ZNF213: variants seen among roughly 807,000 people sequenced by gnomAD.
The protein encoded by ZNF213 is putative transcription factor CR53.
In ZNF213, 32 loss-of-function variants were observed where a neutral mutation model predicts 46.0. That is an observed-to-expected ratio of 0.70 (90% CI 0.52 to 0.93). The LOEUF (loss-of-function observed/expected upper bound fraction) is 0.93. Ranked by LOEUF, ZNF213 falls within the 40% of genes least tolerant of loss-of-function variation. The pLI is 0.00. For synonymous variants in ZNF213, 297 were observed against 271.0 expected (o/e 1.10, Z -0.94); for missense variants, 639 against 652.8 (o/e 0.98, Z 0.23).
At chr16:3,139,197 G>A in intron 5 of ZNF213, 99 bp downstream of exon 5, 1 of 1,529,738 alleles carries the variant, frequency 6.5e-7, no homozygotes. Flanking sequence ...TCCAAAGCAG[G>A]CTCTCCCTAG....
chr16:3,138,699 G>A (rs1449976999), intron 3 of ZNF213, 46 bp from the exon 4 acceptor site: 1 of 1,613,088 alleles, frequency 6.2e-7, no homozygotes, highest in East Asian at 2.2e-5. Context: ...AGGCGTCGGT[G>A]TCAAGCCTGG....
At chr16:3,136,868 T>G (rs1431154748) in intron 1 of ZNF213, among the ~76,000 whole-genome samples, 2 of 152,208 alleles carry the variant, frequency 1.3e-5, no homozygotes, top group Admixed American at 6.5e-5. Flanking sequence ...TTTAGTGGAA[T>G]AAATTGAGAT....
intron 2 of ZNF213, chr16:3,138,212 C>T (rs963815216): frequency 5.0e-5 from 51 of 1,016,730 alleles, no homozygotes; most frequent in Middle Eastern, 3.3e-4. Flanking sequence ...TGGTTCTTGC[C>T]TCGTGAATGA....
chr16:3,136,135 T>G (rs758671803), intron 1 of ZNF213, among the ~76,000 whole-genome samples: 2 of 152,210 alleles, frequency 1.3e-5, no homozygotes, highest in Non-Finnish European at 2.9e-5. Flanking sequence ...CCGGCCAGTT[T>G]GTATTTTTAT....
intron 5 of ZNF213, chr16:3,140,027 C>CGCTGGG: frequency 6.6e-6 from 1 of 152,178 alleles, no homozygotes; most frequent in Non-Finnish European, 1.5e-5. Flanking sequence ...AGGCGTGAGC[C>CGCTGGG]ACCGCGCCCG....
At chr16:3,139,312 G>C (rs2141537640) in intron 5 of ZNF213, 2 of 618,328 alleles carry the variant, frequency 3.2e-6, no homozygotes, top group Non-Finnish European at 5.4e-6. Flanking sequence ...CCCTGCAGTT[G>C]CTCTAAGGGC....
At position 3,135,335 on chromosome 16, in the gene ZNF213, G is replaced by C. The variant is rs1415726906; in HGVS notation, c.-168G>C. The C allele has an allele frequency of 6.6e-6, 1 of 152,360 alleles. No homozygotes were observed. The highest frequency in any genetic ancestry group is 1.5e-5 in the Non-Finnish European group (1 of 68,170). 9.4% of individuals were successfully genotyped at this position (152,360 alleles called of 1,614,324 possible). A position where few individuals can be genotyped will look rare whatever the true frequency, so the allele number is the denominator to read the frequency against. The stretch of plus-strand genomic sequence containing the variant: ...CGGGCGAGGCTGCGGTGGACAGCGC[G>C]GGGCTCCGGCTGGCTCGCCTTCCCG... On this transcript the variant is annotated 5_prime_UTR_variant, in exon 1 of 6. Coordinates refer to ENST00000396878, the MANE Select transcript of ZNF213 (RefSeq NM_004220.3).
At position 3,137,625 on chromosome 16, in the gene ZNF213, G is replaced by C. The variant is rs149593870; in HGVS notation, c.345G>C (p.Glu115Asp). 1.9e-4 allele frequency: 301 copies of C among 1,613,844 alleles called. No homozygotes were observed. Among genetic ancestry groups the C allele is most frequent in the Non-Finnish European group, 2.4e-4 (283 of 1,180,044 alleles). ...VREQHPGSGE[E>D]AVALVEDLQK... The stretch of plus-strand genomic sequence containing the variant: ...AGCAGCACCCGGGAAGCGGTGAGGA[G>C]GCTGTCGCCTTGGTGGAGGACCTAC... The change falls in exon 2 of 6, where the codon GAG becomes GAC. Residue 115 changes from glutamate to aspartate, a missense_variant. Transcript: ENST00000396878.
At position 3,136,425 on chromosome 16, in the gene ZNF213, T is replaced by A. The variant is rs1258909173; in HGVS notation, c.-115-741T>A. On this transcript the variant is annotated intron_variant, in intron 1 of 5. Coordinates refer to ENST00000396878, the MANE Select transcript of ZNF213 (RefSeq NM_004220.3). ...AAATAATGAAACATATCAGTTAAAATTTTTTAATTAGGCCGGGCGCAGTGG... is the reference window on the plus strand; with the variant it reads ...AAATAATGAAACATATCAGTTAAAAATTTTTAATTAGGCCGGGCGCAGTGG... 2.0e-5 allele frequency among the ~76,000 whole-genome samples: 3 copies of A among 152,294 alleles called. 1 individual carries two copies. In the South Asian group the frequency reaches 6.2e-4, roughly 32 times the overall value.
At chr16:3,139,929 G>C (rs554111046) in intron 5 of ZNF213, 3 of 151,800 alleles carry the variant, frequency 2.0e-5, no homozygotes, top group South Asian at 4.2e-4. Flanking sequence ...TTTTAATAGA[G>C]ACGAGTTTTC....
chr16:3,138,922 TC>T, intron 4 of ZNF213, 52 bp from the exon 5 acceptor site: 1 of 1,613,480 alleles, frequency 6.2e-7, no homozygotes, highest in Non-Finnish European at 8.5e-7. Flanking sequence ...ACCCATCCTG[TC>T]CCCGCCAGTG....
rs1003611496 is a variant in ZNF213, at chr16:3,137,656, C to T, written c.376C>T (p.Gln126Ter). The T allele has an allele frequency of 6.2e-7, 1 of 1,613,656 alleles. No individual in the cohort carries two copies. The highest frequency in any genetic ancestry group is 8.5e-7 in the Non-Finnish European group (1 of 1,180,008). ...AVALVEDLQK[Q>*]PVKAWRQDVP... ...CGCCTTGGTGGAGGACCTACAGAAG[C>T]AGCCAGTGAAAGCCTGGCGACAGGT... Residue 126 changes from glutamine to a stop codon, truncating the protein, a stop_gained, in exon 2 of 6, where the codon CAG (glutamine) becomes TAG (stop). Transcript: ENST00000396878. LOFTEE classifies it high-confidence loss of function.
chr16:3,138,715 C>T (rs763658320), intron 3 of ZNF213, 30 bp from the exon 4 acceptor site: 1 of 1,613,782 alleles, frequency 6.2e-7, no homozygotes, highest in Non-Finnish European at 8.5e-7. Context: ...CCTGGGCTGG[C>T]CTTTCTAAGG....
intron 5 of ZNF213, 36 bp from the exon 6 acceptor site, chr16:3,140,653 C>T (rs761728908): frequency 1.4e-5 from 21 of 1,481,916 alleles, no homozygotes; most frequent in South Asian, 5.7e-5. Context: ...CCCAGAACCG[C>T]GTGGGACTGA....
intron 1 of ZNF213, among the ~76,000 whole-genome samples, chr16:3,136,898 G>C (rs1957544233): frequency 6.6e-6 from 1 of 152,114 alleles, no homozygotes; most frequent in African/African-American, 2.4e-5. Flanking sequence ...GCTTATATCA[G>C]GTCAGGTGGT....
intron 2 of ZNF213, 56 bp downstream of exon 2, chr16:3,137,735 G>C (rs375905526): frequency 6.4e-7 from 1 of 1,574,112 alleles, no homozygotes; most frequent in African/African-American, 1.4e-5. Context: ...CTCGAGAGAA[G>C]TGGGTAACCT....
intron 5 of ZNF213, chr16:3,140,458 G>C (rs1229596351): frequency 4.0e-6 from 2 of 504,386 alleles, no homozygotes; most frequent in Non-Finnish European, 6.2e-6. Flanking sequence ...CCTAACCTCA[G>C]GTGATCAGCT....
rs1195065029 is a variant in ZNF213 at position 3,138,748 on chromosome 16, A to G, written c.527A>G (p.Gln176Arg). The G allele has an allele frequency of 6.2e-7, 1 of 1,614,166 alleles. No individual in the cohort carries two copies. The highest frequency in any genetic ancestry group is 8.5e-7 in the Non-Finnish European group (1 of 1,180,012). Residue 176 changes from glutamine to arginine, a missense_variant, in exon 4 of 6, where the codon CAG becomes CGG. Transcript: ENST00000396878. ...VPQEQHSHSA[Q>R]PPALLKEGRP... The stretch of plus-strand genomic sequence containing the variant: ...AGGCTCCATTCTTCTCCTTCAGCCC[A>G]GCCTCCTGCTCTTCTTAAAGAGGGT...
At chr16:3,136,393 C>A (rs1434454811) in intron 1 of ZNF213, among the ~76,000 whole-genome samples, 1 of 151,984 alleles carries the variant, frequency 6.6e-6, no homozygotes, top group African/African-American at 2.4e-5. Flanking sequence ...GGATCTGGGG[C>A]AACACTAAAT....
Sources: gnomAD v4.1 joint callset for allele counts (sites outside exome capture counted in the v4.1 genomes callset) on GRCh38, gnomAD v4.1.1 for gene constraint, MANE v1.5 for transcripts, NCBI Gene and HGNC (gene_info 2026-07-23, HGNC 2026-07-21) for gene names.